The following KAZN variants were observed in gnomAD, a reference collection of about 807,000 sequenced individuals.
KAZN encodes kazrin, periplakin interacting protein.
In KAZN, 40 loss-of-function variants were observed where a neutral mutation model predicts 87.4. The ratio of observed to expected loss-of-function variants is 0.46; its 90% confidence interval spans 0.36 to 0.60. KAZN has a LOEUF of 0.60. KAZN is among the 20% of genes least tolerant of loss of function. The probability of loss-of-function intolerance (pLI) is 0.00; values close to 1 mark genes in which losing one functional copy is unlikely to be tolerated. For synonymous variants in KAZN, 466 were observed against 458.3 expected, an observed-to-expected ratio of 1.02 and a Z score of -0.22; for missense variants, 898 against 1,073.9, an observed-to-expected ratio of 0.84 and a Z score of 2.29.
intron 1 of KAZN, among the ~76,000 whole-genome samples, chr1:14,681,192 A>G (rs545253482): frequency 2.8e-4 from 42 of 152,336 alleles, no homozygotes; most frequent in African/African-American, 9.9e-4. Flanking sequence ...TGGGGGTTAC[A>G]TCGCAACATG....
At chr1:14,092,735 C>A (rs1409992857) in intron 1 of KAZN, among the ~76,000 whole-genome samples, 1 of 152,032 alleles carries the variant, frequency 6.6e-6, no homozygotes, top group Non-Finnish European at 1.5e-5. Context: ...TTTATTTTGT[C>A]CTTTATTTTC....
intron 1 of KAZN, among the ~76,000 whole-genome samples, chr1:14,845,605 C>G (rs777001669): frequency 6.8e-6 from 1 of 146,484 alleles, no homozygotes; most frequent in Non-Finnish European, 1.5e-5. Flanking sequence ...ATGGAGTAAA[C>G]AATTCCTTCC....
intron 1 of KAZN, among the ~76,000 whole-genome samples, chr1:14,080,920 A>G (rs1267492220): frequency 6.6e-6 from 1 of 152,192 alleles, no homozygotes; most frequent in Admixed American, 6.5e-5. Flanking sequence ...CCTTCCTTCA[A>G]ATTGCTGTTA....
intron 1 of KAZN, among the ~76,000 whole-genome samples, chr1:13,953,554 T>C (rs554713511): frequency 1.1e-4 from 16 of 152,244 alleles, no homozygotes; most frequent in Non-Finnish European, 2.1e-4. Flanking sequence ...TTGCTAATGA[T>C]AGTTCTGATC....
At chr1:13,922,164 G>A (rs1335985034) in intron 1 of KAZN, among the ~76,000 whole-genome samples, 2 of 152,136 alleles carry the variant, frequency 1.3e-5, no homozygotes, top group Non-Finnish European at 2.9e-5. Context: ...TGCCTTTTCT[G>A]TAGTGCTTTG....
At chr1:14,788,812 G>A (rs1645587519) in intron 1 of KAZN, among the ~76,000 whole-genome samples, 1 of 152,108 alleles carries the variant, frequency 6.6e-6, no homozygotes, top group South Asian at 2.1e-4. Context: ...TGTACACGTA[G>A]GAGGTCACCT....
intron 1 of KAZN, among the ~76,000 whole-genome samples, chr1:14,941,955 G>A (rs957674246): frequency 6.6e-6 from 1 of 152,168 alleles, no homozygotes; most frequent in Admixed American, 6.5e-5. Context: ...CGCTGGAGGT[G>A]GGGTGACCTC....
At chr1:13,952,268 TTGTCA>T (rs1315784214) in intron 1 of KAZN, among the ~76,000 whole-genome samples, 1 of 151,974 alleles carries the variant, frequency 6.6e-6, no homozygotes, top group East Asian at 1.9e-4. Context: ...CTGTAGGATG[TTGTCA>T]TGTCATGCTG....
At chr1:14,060,269 A>G (rs144970292) in intron 1 of KAZN, among the ~76,000 whole-genome samples, 44 of 151,554 alleles carry the variant, frequency 2.9e-4, no homozygotes, top group African/African-American at 1.0e-3. Flanking sequence ...AGGCTGAGGC[A>G]GGAGAATGGC....
rs1472535737 is a variant in KAZN at position 14,996,340 on chromosome 1, C to T, written c.418+35465C>T. Among the ~76,000 whole-genome samples the T allele has an allele frequency of 1.3e-5, 2 of 152,092 alleles. No homozygotes were observed. The highest frequency in any genetic ancestry group is 2.9e-5 in the Non-Finnish European group (2 of 68,010). ...TTCCCTCAGTCCCTTCTCCCTGGGT[C>T]CTGACACTGGATTTTAACATATTGG... On this transcript the variant is annotated intron_variant, in intron 2 of 14. Coordinates refer to ENST00000376030, the MANE Select transcript of KAZN (RefSeq NM_201628.3). This position sits in a 1 kb window ranked among gnomAD's most constrained non-coding sequence, Gnocchi z 5.9.
intron 1 of KAZN, among the ~76,000 whole-genome samples, chr1:14,119,374 C>G (rs1278102929): frequency 6.6e-6 from 1 of 152,144 alleles, no homozygotes; most frequent in African/African-American, 2.4e-5. Context: ...ATTATTTTTC[C>G]TGCTCAGACA....
At chr1:14,352,033 A>C (rs143974121) in intron 2 of KAZN, among the ~76,000 whole-genome samples, 38 of 152,360 alleles carry the variant, frequency 2.5e-4, no homozygotes, top group African/African-American at 8.9e-4. Flanking sequence ...TGGGGTAAGT[A>C]GCATTTTACA....
At chr1:14,545,127 T>C (rs1673059980) in intron 2 of KAZN, among the ~76,000 whole-genome samples, 1 of 152,218 alleles carries the variant, frequency 6.6e-6, no homozygotes, top group Non-Finnish European at 1.5e-5. Flanking sequence ...TATAATCTTA[T>C]TTCTCTTCAA....
At chr1:14,055,783 G>A (rs1642526897) in intron 1 of KAZN, among the ~76,000 whole-genome samples, 7 of 152,186 alleles carry the variant, frequency 4.6e-5, no homozygotes, top group Admixed American at 4.6e-4. Context: ...AGTCCACAGA[G>A]CAAAGGAAAA....
chr1:14,115,273 C>A (rs1644590646), intron 1 of KAZN, among the ~76,000 whole-genome samples: 1 of 152,200 alleles, frequency 6.6e-6, no homozygotes, highest in Non-Finnish European at 1.5e-5. Flanking sequence ...GAAGAACTTA[C>A]CCTTATGACC....
At chr1:14,083,314 AT>A (rs1643749051) in intron 1 of KAZN, among the ~76,000 whole-genome samples, 1 of 152,256 alleles carries the variant, frequency 6.6e-6, no homozygotes, top group South Asian at 2.1e-4. Context: ...GATTTGATAC[AT>A]TTTAGTAGAA....
chr1:14,919,671 A>T (rs1463897358), intron 1 of KAZN, among the ~76,000 whole-genome samples: 1 of 152,228 alleles, frequency 6.6e-6, no homozygotes, highest in Non-Finnish European at 1.5e-5. Context: ...TGGCTGGAAG[A>T]TCTCAGTAAA....
In KAZN at chr1:14,514,498, TAA is replaced by T. The variant is rs369249894; in HGVS notation, c.250-84482_250-84481del. 2.8e-4 allele frequency among the ~76,000 whole-genome samples: 2 copies of T among 7,074 alleles called. 1 individual carries two copies. Among genetic ancestry groups the T allele is most frequent in the Non-Finnish European group, 5.5e-4 (2 of 3,634 alleles). 4.6% of individuals were successfully genotyped at this position (7,074 alleles called of 152,430 possible). A position where few individuals can be genotyped will look rare whatever the true frequency, so the allele number is the denominator to read the frequency against. ...TATTTTATATAAATATTTATATATG[TAA>T]AATATATAATATATGAAATATATAT... On this transcript the variant is annotated intron_variant, in intron 2 of 16. Coordinates refer to the KAZN transcript ENST00000636203.
intron 1 of KAZN, among the ~76,000 whole-genome samples, chr1:14,061,986 A>T (rs1642813157): frequency 6.6e-6 from 1 of 152,206 alleles, no homozygotes; most frequent in South Asian, 2.1e-4. Flanking sequence ...AATTCACATA[A>T]TAAAGATTTG....
Sources: allele counts gnomAD v4.1 joint callset (sites outside exome capture counted in the v4.1 genomes callset), GRCh38; gene constraint gnomAD v4.1.1; non-coding constraint Gnocchi (gnomAD v3.1); transcripts MANE v1.5; gene names NCBI Gene and HGNC (gene_info 2026-07-23, HGNC 2026-07-21).